The following TLN2 variants were observed in gnomAD, a reference collection of about 807,000 sequenced individuals.
TLN2 encodes talin-2.
TLN2 carries 118 observed loss-of-function variants against 294.7 expected under a neutral mutation model. The ratio of observed to expected loss-of-function variants is 0.40; its 90% CI spans 0.34 to 0.47. TLN2 has a LOEUF of 0.47. Among genes scored for constraint, TLN2 ranks in the 20% least tolerant of loss-of-function variants. The pLI is 0.84. For synonymous variants in TLN2, 1,431 were observed against 1,304.5 expected, an observed-to-expected ratio of 1.10 and a Z score of -2.09; for missense variants, 3,083 against 3,282.2, an observed-to-expected ratio of 0.94 and a Z score of 1.48.
intron 37 of TLN2, among the ~76,000 whole-genome samples, chr15:62,757,271 G>A (rs1196960942): frequency 1.3e-5 from 2 of 152,194 alleles, no homozygotes; most frequent in African/African-American, 2.4e-5. Flanking sequence ...TCACCTCTTT[G>A]GGATGGAGAG....
At chr15:62,477,986 C>T (rs545269684) in intron 1 of TLN2, among the ~76,000 whole-genome samples, 5 of 152,198 alleles carry the variant, frequency 3.3e-5, no homozygotes, top group East Asian at 1.9e-4. Context: ...TTCTCAGAAA[C>T]GTTGCTTTAC....
intron 1 of TLN2, among the ~76,000 whole-genome samples, chr15:62,523,468 T>C (rs1196403540): frequency 6.6e-6 from 1 of 152,262 alleles, no homozygotes; most frequent in African/African-American, 2.4e-5. Flanking sequence ...AGTCCAGGAC[T>C]ATTTTATTAG....
intron 1 of TLN2, among the ~76,000 whole-genome samples, chr15:62,409,438 C>A (rs1025209646): frequency 6.6e-6 from 1 of 152,070 alleles, no homozygotes; most frequent in Admixed American, 6.6e-5. Flanking sequence ...CTGGCTGTTG[C>A]AGGGTCTCAT....
At chr15:62,641,893 A>T (rs1184379200) in intron 3 of TLN2, among the ~76,000 whole-genome samples, 1 of 152,202 alleles carries the variant, frequency 6.6e-6, no homozygotes, top group Admixed American at 6.5e-5. Flanking sequence ...ACAGGCATTT[A>T]TTTTGAAGAG....
At chr15:62,749,980 C>G (rs1320262644) in intron 33 of TLN2, among the ~76,000 whole-genome samples, 2 of 152,180 alleles carry the variant, frequency 1.3e-5, no homozygotes, top group Non-Finnish European at 2.9e-5. Flanking sequence ...ATTGGAAAAA[C>G]TGAGGGTTCT....
At chr15:62,460,425 T>C (rs2036734307) in intron 1 of TLN2, among the ~76,000 whole-genome samples, 1 of 152,134 alleles carries the variant, frequency 6.6e-6, no homozygotes, top group African/African-American at 2.4e-5. Flanking sequence ...CCACCACGCC[T>C]GGCTACTTTG....
At chr15:62,718,665 AAGG>A (rs764849234) in intron 24 of TLN2, among the ~76,000 whole-genome samples, 2 of 152,014 alleles carry the variant, frequency 1.3e-5, no homozygotes, top group African/African-American at 2.4e-5. Context: ...GTGGATAGAG[AAGG>A]AGTCTTGCTG....
chr15:62,748,515 C>T, intron 33 of TLN2, 71 bp downstream of exon 33: 1 of 1,190,502 alleles, frequency 8.4e-7, no homozygotes, highest in Non-Finnish European at 1.2e-6. Context: ...GTGTGTCTGT[C>T]TGTCTATGTC....
chr15:62,681,691 T>C (rs2056842572), intron 11 of TLN2, among the ~76,000 whole-genome samples: 1 of 152,172 alleles, frequency 6.6e-6, no homozygotes, highest in African/African-American at 2.4e-5. Flanking sequence ...ATCTGAAAAA[T>C]AGGAATAATT....
chr15:62,686,524 C>CTGTTATATAGCAGTGTATGGTT lies in TLN2; in HGVS notation c.958-117_958-116insTGTTATATAGCAGTGTATGGTT, dbSNP rs1207537982. On this transcript the variant is annotated intron_variant, in intron 11 of 58. Transcript: ENST00000636159. ...CCTCAAAATCTTGGTTTCCCTATAGCCCTACCTGTTTTGAAAGACAGTGTA... is the reference window on the plus strand; with the variant it reads ...CCTCAAAATCTTGGTTTCCCTATAGCTGTTATATAGCAGTGTATGGTTCCTACCTGTTTTGAAAGACAGTGTA... 8.8e-3 allele frequency: 11,091 copies of CTGTTATATAGCAGTGTATGGTT among 1,262,836 alleles called. 521 individuals are homozygous for CTGTTATATAGCAGTGTATGGTT. The African/African-American group carries it at 0.11, about 12-fold the overall frequency. The allele number at this position is 1,262,836 out of a possible 1,614,324, so 78.2% of individuals were successfully genotyped here. A position where few individuals can be genotyped will look rare whatever the true frequency, so the allele number is the denominator to read the frequency against.
chr15:62,816,936 A>G (rs1286493966), intron 52 of TLN2, among the ~76,000 whole-genome samples: 3 of 152,220 alleles, frequency 2.0e-5, no homozygotes, highest in Admixed American at 2.0e-4. Flanking sequence ...GTTTACAACT[A>G]TGGCCACATG....
chr15:62,498,245 A>AATAGG (rs1307719399), intron 1 of TLN2, among the ~76,000 whole-genome samples: 1 of 151,694 alleles, frequency 6.6e-6, no homozygotes, highest in African/African-American at 2.4e-5. Flanking sequence ...TTCTGAAGTA[A>AATAGG]ATAACCTGGT....
intron 8 of TLN2, among the ~76,000 whole-genome samples, chr15:62,656,710 C>T (rs12591037): frequency 0.26 from 39,833 of 152,038 alleles, 5,816 homozygotes; most frequent in East Asian, 0.62. Context: ...ATCCATCTAT[C>T]TGCCCATAGA....
intron 32 of TLN2, among the ~76,000 whole-genome samples, chr15:62,741,292 A>T (rs1363678151): frequency 6.6e-6 from 1 of 152,222 alleles, no homozygotes; most frequent in Non-Finnish European, 1.5e-5. Context: ...GGCAGTGGGA[A>T]TAAATTGTTT....
At chr15:62,665,220 G>A (rs554082312) in intron 9 of TLN2, among the ~76,000 whole-genome samples, 1 of 152,050 alleles carries the variant, frequency 6.6e-6, no homozygotes, top group African/African-American at 2.4e-5. Context: ...GCACCATCAT[G>A]CCCAGCTAAC....
Position 62,792,793 on chromosome 15 carries a change from G to T in TLN2, c.5883+6G>T, listed in dbSNP as rs765837207. On this transcript the variant is annotated splice_donor_region_variant and intron_variant, in intron 46 of 58. Coordinates refer to ENST00000636159, the MANE Select transcript of TLN2 (RefSeq NM_015059.3). Reference sequence around the variant, plus strand: ...CCCGTGCCGTCACGGAAAAGGTAAGGAGCAGCCCTCAGTTTAGAGTCACAA... The same window carrying T: ...CCCGTGCCGTCACGGAAAAGGTAAGTAGCAGCCCTCAGTTTAGAGTCACAA... 14 of 1,613,844 alleles carry T rather than the reference G, an allele frequency of 8.7e-6. No homozygotes were observed. The highest frequency in any genetic ancestry group is 1.2e-5 in the Non-Finnish European group (14 of 1,179,976).
chr15:62,576,562 C>CCA lies in TLN2; in HGVS notation c.-237-13122_-237-13121dup, dbSNP rs1285075590. On this transcript the variant is annotated intron_variant, in intron 1 of 58. Transcript: ENST00000636159. ...ATACTTGCCCCATAAGTACAGAGAC[C>CCA]CACAGAGAGACATGAGTAAGACATT... 3.3e-5 allele frequency among the ~76,000 whole-genome samples: 5 copies of CCA among 150,382 alleles called. No homozygotes were observed. In the South Asian group the frequency reaches 8.5e-4, roughly 25 times the overall value.
At chr15:62,425,977 A>G (rs990706527) in intron 1 of TLN2, among the ~76,000 whole-genome samples, 5 of 152,210 alleles carry the variant, frequency 3.3e-5, no homozygotes, top group Non-Finnish European at 5.9e-5. Context: ...TCAATTTCTA[A>G]GTCCCCTTGA....
intron 2 of TLN2, among the ~76,000 whole-genome samples, chr15:62,593,648 G>C (rs568375720): frequency 1.5e-4 from 23 of 152,212 alleles, no homozygotes; most frequent in Non-Finnish European, 2.8e-4. Context: ...TTGAACCTTT[G>C]AAAACAATCA....
Sources: allele counts gnomAD v4.1 joint callset (sites outside exome capture counted in the v4.1 genomes callset), GRCh38; gene constraint gnomAD v4.1.1; transcripts MANE v1.5; gene names NCBI Gene and HGNC (gene_info 2026-07-23, HGNC 2026-07-21).